Variants in ASTL observed in about 807,000 individuals in gnomAD.
ASTL encodes astacin like metalloendopeptidase, also known as astacin-like metalloendopeptidase.
Under a neutral mutation model 36.7 loss-of-function variants are expected in ASTL, and 27 were observed. That is an observed-to-expected ratio of 0.73 (90% CI 0.54 to 1.01). The LOEUF (loss-of-function observed/expected upper bound fraction) is 1.01. Among genes scored for constraint, ASTL ranks in the 50% least tolerant of loss-of-function variants. The probability of loss-of-function intolerance (pLI) is 0.00; values close to 1 mark genes in which losing one functional copy is unlikely to be tolerated. For synonymous variants in ASTL, 222 were observed against 228.1 expected, an observed-to-expected ratio of 0.97 and a Z score of 0.24; for missense variants, 524 against 572.8, an observed-to-expected ratio of 0.91 and a Z score of 0.87.
chr2:96,136,623 G>A (rs925213381), intron 2 of ASTL, among the ~76,000 whole-genome samples: 2 of 152,190 alleles, frequency 1.3e-5, no homozygotes, highest in African/African-American at 4.8e-5. Flanking sequence ...AGCTCACAGA[G>A]GAAGAAGGGG....
chr2:96,125,841 C>T (rs1682053061), intron 8 of ASTL, among the ~76,000 whole-genome samples: 1 of 152,132 alleles, frequency 6.6e-6, no homozygotes, highest in Non-Finnish European at 1.5e-5. Flanking sequence ...ACTCGGGAGG[C>T]TGAGGTGCAC....
At position 96,124,581 on chromosome 2, in the gene ASTL, G is replaced by A. The variant is rs542952288; in HGVS notation, c.875-310C>T. Among the ~76,000 whole-genome samples the A allele has an allele frequency of 1.3e-5, 2 of 151,888 alleles. No homozygotes were observed. The highest frequency in any genetic ancestry group is 1.9e-4 in the East Asian group (1 of 5,178). ...CCCAGCACCAAAGCGCCCACCTTCC[G>A]GACCCTTCACCCAGGTTGTTCTGCC... On this transcript the variant is annotated intron_variant, in intron 8 of 8. Transcript: ENST00000342380. The surrounding 1 kb of genome is among the most constrained non-coding windows in gnomAD (Gnocchi z 4.1).
In ASTL at chr2:96,133,922, A is replaced by C. The variant is rs757480696; in HGVS notation, c.337+43T>G. ...GAGAGGAACACCTGCCGCATTAGGA[A>C]GAAGGGGCTGAGGCAGGGAGGGAGC... On this transcript the variant is annotated intron_variant, in intron 4 of 8. Coordinates refer to ENST00000342380, the MANE Select transcript of ASTL (RefSeq NM_001002036.4). The C allele has an allele frequency of 3.8e-6, 5 of 1,325,324 alleles. No homozygotes were observed. The South Asian group carries it at 5.9e-5, about 16-fold the overall frequency. 82.1% of individuals were successfully genotyped at this position (1,325,324 alleles called of 1,614,324 possible). A position where few individuals can be genotyped will look rare whatever the true frequency, so the allele number is the denominator to read the frequency against.
Position 96,137,574 on chromosome 2 carries a change from C to G in ASTL, c.181+1G>C. The G allele has an allele frequency of 6.2e-7, 1 of 1,613,434 alleles. No homozygotes were observed. The highest frequency in any genetic ancestry group is 8.5e-7 in the Non-Finnish European group (1 of 1,179,456). Reference sequence around the variant, plus strand: ...GCCGTGAGAAGATGTAGTGCCCTCACCTTGGTTAATTGCAGGAATGTCCTT... The same window carrying G: ...GCCGTGAGAAGATGTAGTGCCCTCAGCTTGGTTAATTGCAGGAATGTCCTT... On this transcript the variant is annotated splice_donor_variant, in intron 2 of 8. Transcript: ENST00000342380. LOFTEE classifies it high-confidence loss of function.
chr2:96,134,572 C>T (rs900012828), intron 3 of ASTL, among the ~76,000 whole-genome samples: 2 of 152,244 alleles, frequency 1.3e-5, no homozygotes, highest in African/African-American at 4.8e-5. Context: ...CCCAGCGTGC[C>T]TGTGCCATCG....
chr2:96,136,589 C>T (rs771648141), intron 2 of ASTL, among the ~76,000 whole-genome samples: 3 of 152,218 alleles, frequency 2.0e-5, no homozygotes, highest in Non-Finnish European at 2.9e-5. Context: ...GCTCAAGGCT[C>T]AGCTGGCGCT....
Position 96,133,950 on chromosome 2 carries a change from G to T in ASTL, c.337+15C>A. ...AGGGGCTGAGGCAGGGAGGGAGCGC[G>T]CCATGCTCACTCACCGTACTTGCTG... On this transcript the variant is annotated intron_variant, in intron 4 of 8. Transcript: ENST00000342380. The T allele has an allele frequency of 2.6e-6, 4 of 1,568,278 alleles. No homozygotes were observed. Among genetic ancestry groups the T allele is most frequent in the Non-Finnish European group, 2.6e-6 (3 of 1,138,336 alleles).
rs1457311936 is a variant in ASTL at position 96,136,313 on chromosome 2, C to T, written c.182-901G>A. Among the ~76,000 whole-genome samples the T allele has an allele frequency of 3.3e-5, 5 of 152,274 alleles. No homozygotes were observed. In the East Asian group the frequency reaches 9.6e-4, roughly 29 times the overall value. ...GGCAGACAAGGGAGTAGCCCCCGGG[C>T]ATCTCTGGCTGAGGCAGCTCCTTCT... On this transcript the variant is annotated intron_variant, in intron 2 of 8. Transcript: ENST00000342380.
Position 96,124,119 on chromosome 2 carries a change from G to C in ASTL, c.1027C>G (p.Pro343Ala). The change falls in exon 9 of 9, where the codon CCA (proline) becomes GCA (alanine). Residue 343 changes from proline to alanine, a missense_variant. Coordinates refer to ENST00000342380, the MANE Select transcript of ASTL (RefSeq NM_001002036.4). This position sits in a 1 kb window ranked among gnomAD's most constrained non-coding sequence, Gnocchi z 4.1. ...AGGGCAGGGGACTCCCACCCATGTG[G>C]GCTCTCCCCAGGCCCTGCAGGAACG... ...QPVPAGPGES[P>A]HGWESPALKK... 6.3e-7 allele frequency: 1 copy of C among 1,599,998 alleles called. No homozygotes were observed. The highest frequency in any genetic ancestry group is 8.5e-7 in the Non-Finnish European group (1 of 1,171,482).
chr2:96,137,773 G>T, intron 1 of ASTL, 73 bp from the exon 2 acceptor site: 3 of 1,478,508 alleles, frequency 2.0e-6, no homozygotes, highest in Non-Finnish European at 2.8e-6. Flanking sequence ...CAGGACATGG[G>T]GTGGGTGTGG....
intron 8 of ASTL, among the ~76,000 whole-genome samples, chr2:96,126,749 G>C (rs965821328): frequency 6.6e-6 from 1 of 152,058 alleles, no homozygotes; most frequent in Non-Finnish European, 1.5e-5. Context: ...CCAGCTACTT[G>C]GGAGGCTGAG....
Position 96,132,767 on chromosome 2 carries a change from C to T in ASTL, c.456-46G>A. 4 of 1,554,892 alleles carry T rather than the reference C, an allele frequency of 2.6e-6. No homozygotes were observed. Among genetic ancestry groups the T allele is most frequent in the Non-Finnish European group, 3.5e-6 (4 of 1,138,404 alleles). On this transcript the variant is annotated intron_variant, in intron 5 of 8. Coordinates refer to ENST00000342380, the MANE Select transcript of ASTL (RefSeq NM_001002036.4). The surrounding 1 kb of genome is among the most constrained non-coding windows in gnomAD (Gnocchi z 5.4). ...GTGGGGTAAGTGCCAGCCCAGATCC[C>T]TCCGGACATACAGACCTGGGCTCTC...
Position 96,132,568 on chromosome 2 carries a change from G to T in ASTL, c.609C>A (p.Ile203=). The T allele has an allele frequency of 6.2e-7, 1 of 1,609,336 alleles. No individual in the cohort carries two copies. Among genetic ancestry groups the T allele is most frequent in the South Asian group, 1.1e-5 (1 of 90,942 alleles). ...GCAGGATCTCGTTCCAGTTGACACG[G>T]ATATAGCGGTCCCGGTCGGCCCGCG... ...EHTRADRDRY[I]RVNWNEILPG... Residue 203 remains isoleucine, a synonymous_variant, in exon 6 of 9, where the codon ATC becomes ATA. Transcript: ENST00000342380. The surrounding 1 kb of genome is among the most constrained non-coding windows in gnomAD (Gnocchi z 5.4).
At chr2:96,131,524 G>A (rs1682178602) in intron 6 of ASTL, among the ~76,000 whole-genome samples, 1 of 152,236 alleles carries the variant, frequency 6.6e-6, no homozygotes, top group Middle Eastern at 3.4e-3. Flanking sequence ...CATTGGGAAG[G>A]ATCAGTCTGT....
chr2:96,123,714 GAGTCCT>G lies in ASTL; in HGVS notation c.*130_*135del, dbSNP rs1682003758. 3.0e-6 allele frequency: 2 copies of G among 670,256 alleles called. No homozygotes were observed. Among genetic ancestry groups the G allele is most frequent in the East Asian group, 5.3e-5 (2 of 37,584 alleles). The allele number at this position is 670,256 out of a possible 1,614,324, so 41.5% of individuals were successfully genotyped here. On this transcript the variant is annotated 3_prime_UTR_variant, in exon 9 of 9. Transcript: ENST00000342380. ...AACACAGTGAAGAGAGACAGGGGAA[GAGTCCT>G]GGCCCTCTGAGATGGGGTGGTAGGT... is the stretch of plus-strand genomic sequence containing the variant.
chr2:96,133,950 G>A lies in ASTL; in HGVS notation c.337+15C>T, dbSNP rs189011409. 582 of 1,568,284 alleles carry A rather than the reference G, an allele frequency of 3.7e-4. No homozygotes were observed. The highest frequency in any genetic ancestry group is 4.7e-4 in the Non-Finnish European group (540 of 1,138,340). On this transcript the variant is annotated intron_variant, in intron 4 of 8. Coordinates refer to ENST00000342380, the MANE Select transcript of ASTL (RefSeq NM_001002036.4). The stretch of plus-strand genomic sequence containing the variant: ...AGGGGCTGAGGCAGGGAGGGAGCGC[G>A]CCATGCTCACTCACCGTACTTGCTG...
At position 96,137,748 on chromosome 2, in the gene ASTL, G is replaced by T. The variant is rs368941593; in HGVS notation, c.56-48C>A. The T allele has an allele frequency of 4.4e-6, 7 of 1,578,844 alleles. No homozygotes were observed. In the East Asian group the frequency reaches 1.1e-4, roughly 26 times the overall value. ...TACACAGATGCCTGGAGCACCCACC[G>T]GTGAGACCAGACAGCAGGACATGGG... On this transcript the variant is annotated intron_variant, in intron 1 of 8. Coordinates refer to ENST00000342380, the MANE Select transcript of ASTL (RefSeq NM_001002036.4).
chr2:96,132,521 T>C lies in ASTL; in HGVS notation c.637+19A>G. 9 of 1,576,950 alleles carry C rather than the reference T, an allele frequency of 5.7e-6. No homozygotes were observed. The highest frequency in any genetic ancestry group is 7.8e-6 in the Non-Finnish European group (9 of 1,153,794). On this transcript the variant is annotated intron_variant, in intron 6 of 8. Transcript: ENST00000342380. The surrounding 1 kb of genome is among the most constrained non-coding windows in gnomAD (Gnocchi z 5.4). ...TCCCCTCCCCGGCACCAGCCTGTCC[T>C]GCGTGTGGCCTGGCTCACCTGGCAG...
At chr2:96,133,853 G>A in intron 4 of ASTL, 112 bp downstream of exon 4, 1 of 763,808 alleles carries the variant, frequency 1.3e-6, no homozygotes, top group Non-Finnish European at 2.3e-6. Flanking sequence ...GGTTCTTCGG[G>A]TGGGGAGGTG....
Sources: gnomAD v4.1 joint callset for allele counts (sites outside exome capture counted in the v4.1 genomes callset) on GRCh38, gnomAD v4.1.1 for gene constraint, Gnocchi (gnomAD v3.1) non-coding constraint, MANE v1.5 for transcripts, NCBI Gene and HGNC (gene_info 2026-07-23, HGNC 2026-07-21) for gene names.